The following LRMDA variants were observed in gnomAD, a reference collection of about 807,000 sequenced individuals.
LRMDA encodes the protein leucine rich melanocyte differentiation associated, also known as leucine-rich melanocyte differentiation-associated protein.
Under a neutral mutation model 29.8 loss-of-function variants are expected in LRMDA, and 18 were observed. The observed-to-expected ratio is 0.60, with a 90% CI of 0.42 to 0.90. The LOEUF is 0.90. LRMDA is among the 40% of genes least tolerant of loss of function. LRMDA has a pLI of 0.00. For synonymous variants in LRMDA, 125 were observed against 109.4 expected (o/e 1.14, Z -0.89); for missense variants, 273 against 273.9 (o/e 1.00, Z 0.02).
chr10:75,791,498 A>G (rs1843564391), intron 2 of LRMDA, among the ~76,000 whole-genome samples: 1 of 152,262 alleles, frequency 6.6e-6, no homozygotes, highest in Non-Finnish European at 1.5e-5. Context: ...CATCTTCCAT[A>G]ATTATACCTA....
At chr10:76,066,753 GA>G (rs1470986715) in intron 5 of LRMDA, among the ~76,000 whole-genome samples, 1 of 152,210 alleles carries the variant, frequency 6.6e-6, no homozygotes, top group Non-Finnish European at 1.5e-5. Context: ...AGAACTACAG[GA>G]GCCAGGCTGT....
At chr10:75,514,226 T>C (rs148049157) in intron 2 of LRMDA, among the ~76,000 whole-genome samples, 2 of 151,562 alleles carry the variant, frequency 1.3e-5, no homozygotes, top group Non-Finnish European at 2.9e-5. Context: ...CCACTTTTCT[T>C]AGTTTCTTCT....
intron 2 of LRMDA, among the ~76,000 whole-genome samples, chr10:75,939,993 G>C (rs1353487336): frequency 6.6e-6 from 1 of 152,216 alleles, no homozygotes; most frequent in Non-Finnish European, 1.5e-5. Flanking sequence ...GGGTGAGCAA[G>C]AGTTTGGATG....
intron 2 of LRMDA, among the ~76,000 whole-genome samples, chr10:75,930,225 C>T (rs577942762): frequency 9.9e-5 from 15 of 152,220 alleles, no homozygotes; most frequent in Admixed American, 9.8e-4. Context: ...CTCACCAGAA[C>T]CATCAATCAC....
intron 5 of LRMDA, among the ~76,000 whole-genome samples, chr10:76,316,719 T>G (rs1564721755): frequency 2.0e-5 from 3 of 152,210 alleles, no homozygotes; most frequent in African/African-American, 7.2e-5. Flanking sequence ...TACTTGGAGG[T>G]TATATTACAT....
intron 5 of LRMDA, among the ~76,000 whole-genome samples, chr10:76,081,095 T>G (rs2132079206): frequency 6.6e-6 from 1 of 152,348 alleles, no homozygotes; most frequent in East Asian, 1.9e-4. Flanking sequence ...TGGTGACACC[T>G]TTATGTTTCC....
intron 2 of LRMDA, among the ~76,000 whole-genome samples, chr10:75,897,823 T>C (rs1845609238): frequency 7.2e-6 from 1 of 138,436 alleles, no homozygotes; most frequent in Non-Finnish European, 1.6e-5. Flanking sequence ...CTGCCTTTTT[T>C]TTTTTTTTTT....
At chr10:75,961,884 C>T (rs999479002) in intron 2 of LRMDA, among the ~76,000 whole-genome samples, 2 of 152,154 alleles carry the variant, frequency 1.3e-5, no homozygotes, top group African/African-American at 2.4e-5. Flanking sequence ...GAAGGAGAGT[C>T]TGTTCCAGGT....
At chr10:76,214,994 C>T (rs1467990905) in intron 5 of LRMDA, among the ~76,000 whole-genome samples, 1 of 152,200 alleles carries the variant, frequency 6.6e-6, no homozygotes, top group Non-Finnish European at 1.5e-5. Flanking sequence ...AAATCAGTTT[C>T]TTTGCAGCTG....
At chr10:75,729,232 G>A (rs1842666935) in intron 2 of LRMDA, among the ~76,000 whole-genome samples, 1 of 152,242 alleles carries the variant, frequency 6.6e-6, no homozygotes, top group Non-Finnish European at 1.5e-5. Flanking sequence ...TAATGAATGA[G>A]TGAAGGTGTT....
chr10:76,245,186 T>A (rs1004674133), intron 5 of LRMDA, among the ~76,000 whole-genome samples: 1 of 152,164 alleles, frequency 6.6e-6, no homozygotes, highest in Non-Finnish European at 1.5e-5. Context: ...TTGGATGTTC[T>A]CTTATATATA....
intron 2 of LRMDA, 61 bp from the exon 3 acceptor site, chr10:76,035,947 C>A: frequency 6.4e-7 from 1 of 1,559,946 alleles, no homozygotes; most frequent in Admixed American, 1.9e-5. Context: ...TTTATTTCGG[C>A]TCATAATGGC....
At chr10:75,791,388 T>C (rs1440505231) in intron 2 of LRMDA, among the ~76,000 whole-genome samples, 1 of 152,220 alleles carries the variant, frequency 6.6e-6, no homozygotes, top group Non-Finnish European at 1.5e-5. Flanking sequence ...TGAAACTGTA[T>C]TGATATACAA....
chr10:76,368,109 G>A (rs1035241678), intron 6 of LRMDA, among the ~76,000 whole-genome samples: 2 of 151,970 alleles, frequency 1.3e-5, no homozygotes, highest in Admixed American at 1.3e-4. Context: ...TACTTCTGCT[G>A]CGATCTTGGT....
At chr10:75,483,695 C>T (rs1844877314) in intron 2 of LRMDA, among the ~76,000 whole-genome samples, 2 of 152,026 alleles carry the variant, frequency 1.3e-5, no homozygotes, top group Admixed American at 6.5e-5. Context: ...TTTTAAATTA[C>T]TAATTTTATA....
intron 2 of LRMDA, among the ~76,000 whole-genome samples, chr10:75,765,076 C>T (rs985330104): frequency 6.6e-6 from 1 of 151,940 alleles, no homozygotes; most frequent in Non-Finnish European, 1.5e-5. Context: ...ACTATTGGGC[C>T]CCAGGCACTT....
At chr10:75,558,973 A>C (rs1166942055) in intron 2 of LRMDA, among the ~76,000 whole-genome samples, 2 of 150,102 alleles carry the variant, frequency 1.3e-5, no homozygotes, top group Admixed American at 6.7e-5. Context: ...GCTATTGTGA[A>C]TAGTGCTGCA....
rs571112491 is a variant in LRMDA at position 76,325,498 on chromosome 10, G to T, written c.601+1013G>T. ...CTGCCAACCTGCTATGTTTTGAGGG[G>T]CATGAACAGGTCTCTTTCACTGAAT... On this transcript the variant is annotated intron_variant, in intron 6 of 6. Transcript: ENST00000611255. 3.3e-5 allele frequency among the ~76,000 whole-genome samples: 5 copies of T among 152,272 alleles called. No individual in the cohort carries two copies. In the South Asian group the frequency reaches 8.3e-4, roughly 25 times the overall value.
chr10:75,705,806 A>G (rs1564545264), intron 2 of LRMDA, among the ~76,000 whole-genome samples: 1 of 152,226 alleles, frequency 6.6e-6, no homozygotes, highest in Non-Finnish European at 1.5e-5. Flanking sequence ...GGAGCCTGGG[A>G]AACCCTGGTG....
Sources: allele counts gnomAD v4.1 joint callset (sites outside exome capture counted in the v4.1 genomes callset), GRCh38; gene constraint gnomAD v4.1.1; transcripts MANE v1.5; gene names NCBI Gene and HGNC (gene_info 2026-07-23, HGNC 2026-07-21).